PLCL1: variants seen among roughly 807,000 people sequenced by gnomAD.
The protein encoded by PLCL1 is phospholipase C like 1 (inactive).
PLCL1 carries 41 observed loss-of-function variants against 84.4 expected under a neutral mutation model. That is an observed-to-expected ratio of 0.49 (90% CI 0.38 to 0.63). The LOEUF (loss-of-function observed/expected upper bound fraction) is 0.63, where lower values mean the gene tolerates loss of function less well. Among genes scored for constraint, PLCL1 ranks in the 30% least tolerant of loss-of-function variants. The pLI is 0.00. For missense variants in PLCL1, 1,206 were observed against 1,367.8 expected (o/e 0.88, Z 1.87); for synonymous variants, 490 against 488.3 (o/e 1.00, Z -0.05).
intron 1 of PLCL1, among the ~76,000 whole-genome samples, chr2:197,893,886 G>A (rs1688079940): frequency 6.6e-6 from 1 of 151,934 alleles, no homozygotes; most frequent in African/African-American, 2.4e-5. Context: ...TGATTCTGCT[G>A]TTCAGAGACC....
In PLCL1 at chr2:197,909,341, CT is replaced by C. The variant is rs111966852; in HGVS notation, c.240+104008del. ...TTTTCTTTTTCTCTTTTTTTTTTTC[CT>C]TTTTTGCTAAGGAACAGAAGTGGGC... On this transcript the variant is annotated intron_variant, in intron 1 of 5. Coordinates refer to ENST00000428675, the MANE Select transcript of PLCL1 (RefSeq NM_006226.4). 7.2e-3 allele frequency among the ~76,000 whole-genome samples: 1,066 copies of C among 147,040 alleles called. 19 individuals are homozygous for C. The highest frequency in any genetic ancestry group is 0.025 in the African/African-American group (1,000 of 39,794).
Position 197,929,183 on chromosome 2 carries a change from C to T in PLCL1, c.240+123844C>T, listed in dbSNP as rs116406652. On this transcript the variant is annotated intron_variant, in intron 1 of 5. Coordinates refer to ENST00000428675, the MANE Select transcript of PLCL1 (RefSeq NM_006226.4). ...GTGACATTTGTTATACTGTACTGAACGATTTTATATAAGAGACTTGAGCAT... is the reference window on the plus strand; with the variant it reads ...GTGACATTTGTTATACTGTACTGAATGATTTTATATAAGAGACTTGAGCAT... Among the ~76,000 whole-genome samples, 627 of 152,184 alleles carry T rather than the reference C, an allele frequency of 4.1e-3. 3 individuals carry two copies. The highest frequency in any genetic ancestry group is 0.014 in the African/African-American group (601 of 41,526).
chr2:198,043,881 C>T (rs372633420), intron 1 of PLCL1, among the ~76,000 whole-genome samples: 48 of 124,818 alleles, frequency 3.8e-4, no homozygotes, highest in South Asian at 8.2e-4. Flanking sequence ...AATTCTTGTT[C>T]TTTTTTTTTT....
chr2:198,080,910 A>T (rs1042487032), intron 1 of PLCL1, among the ~76,000 whole-genome samples: 2 of 152,170 alleles, frequency 1.3e-5, no homozygotes, highest in Admixed American at 1.3e-4. Flanking sequence ...GGGCAGGTGG[A>T]TTCTTTTGCA....
chr2:197,830,136 G>C (rs1363954480), intron 1 of PLCL1, among the ~76,000 whole-genome samples: 2 of 151,938 alleles, frequency 1.3e-5, no homozygotes, highest in Non-Finnish European at 2.9e-5. Context: ...ACAACTCCTG[G>C]CCAGCAAGGG....
intron 1 of PLCL1, among the ~76,000 whole-genome samples, chr2:198,029,791 C>G (rs1178955932): frequency 9.6e-6 from 1 of 103,664 alleles, no homozygotes; most frequent in African/African-American, 3.3e-5. Flanking sequence ...ACTTCTGTCT[C>G]CTGGATTCAA....
chr2:198,045,892 C>G (rs111236873), intron 1 of PLCL1, among the ~76,000 whole-genome samples: 4 of 152,176 alleles, frequency 2.6e-5, no homozygotes, highest in African/African-American at 7.2e-5. Context: ...ACAGGGTACA[C>G]ATGTACCATT....
chr2:198,134,337 C>T (rs1215497003), intron 5 of PLCL1, among the ~76,000 whole-genome samples: 1 of 152,002 alleles, frequency 6.6e-6, no homozygotes, highest in Non-Finnish European at 1.5e-5. Flanking sequence ...GACCAAATCT[C>T]CAAACCAGTC....
intron 1 of PLCL1, among the ~76,000 whole-genome samples, chr2:197,932,774 T>G (rs2105766850): frequency 6.6e-6 from 1 of 152,286 alleles, no homozygotes; most frequent in South Asian, 2.1e-4. Context: ...AGACATGGGC[T>G]GTGGCAGTAA....
intron 1 of PLCL1, among the ~76,000 whole-genome samples, chr2:198,029,846 A>G (rs1266069479): frequency 1.4e-5 from 2 of 141,904 alleles, no homozygotes; most frequent in Non-Finnish European, 3.1e-5. Flanking sequence ...GATTACAGGC[A>G]TGCATCACCA....
At chr2:197,949,670 A>G (rs1689350804) in intron 1 of PLCL1, among the ~76,000 whole-genome samples, 1 of 152,080 alleles carries the variant, frequency 6.6e-6, no homozygotes, top group East Asian at 1.9e-4. Context: ...AAACAGAGGG[A>G]AAGGGGAGGA....
chr2:197,973,396 A>G (rs1270913993), intron 1 of PLCL1, among the ~76,000 whole-genome samples: 1 of 152,216 alleles, frequency 6.6e-6, no homozygotes, highest in East Asian at 1.9e-4. Context: ...TGTGTTTACC[A>G]TAATTCAATT....
At chr2:197,926,049 T>C (rs1688824126) in intron 1 of PLCL1, among the ~76,000 whole-genome samples, 1 of 152,216 alleles carries the variant, frequency 6.6e-6, no homozygotes, top group Non-Finnish European at 1.5e-5. Context: ...GTTTTCCCTC[T>C]CATCTTTATG....
intron 1 of PLCL1, among the ~76,000 whole-genome samples, chr2:197,903,218 T>C (rs780451382): frequency 6.6e-6 from 1 of 152,172 alleles, no homozygotes; most frequent in Non-Finnish European, 1.5e-5. Flanking sequence ...ATATGATCTC[T>C]ATTGCTACTA....
chr2:197,959,937 G>T (rs1689575692), intron 1 of PLCL1, among the ~76,000 whole-genome samples: 1 of 151,912 alleles, frequency 6.6e-6, no homozygotes, highest in Non-Finnish European at 1.5e-5. Flanking sequence ...TTTAATCCTT[G>T]CCTCCATAGC....
At chr2:198,117,017 A>C (rs1693762658) in intron 5 of PLCL1, among the ~76,000 whole-genome samples, 1 of 151,922 alleles carries the variant, frequency 6.6e-6, no homozygotes, top group Non-Finnish European at 1.5e-5. Flanking sequence ...TCCTTAATCA[A>C]CTAGAATATT....
intron 1 of PLCL1, among the ~76,000 whole-genome samples, chr2:198,047,895 C>A (rs1691844392): frequency 6.6e-6 from 1 of 152,186 alleles, no homozygotes; most frequent in Non-Finnish European, 1.5e-5. Flanking sequence ...AGGTTAAAAT[C>A]AGAAGTAGGT....
chr2:198,118,233 C>G (rs529301710), intron 5 of PLCL1, among the ~76,000 whole-genome samples: 5 of 151,866 alleles, frequency 3.3e-5, no homozygotes, highest in Admixed American at 6.6e-5. Context: ...AAAATATAGT[C>G]TTTGCTACTG....
intron 1 of PLCL1, among the ~76,000 whole-genome samples, chr2:198,061,598 C>CATT (rs34942811): frequency 0.61 from 92,722 of 150,786 alleles, 29,174 homozygotes; most frequent in Middle Eastern, 0.84. Context: ...AATGTATCGT[C>CATT]ATTATTATTA....
Sources: gnomAD v4.1 joint callset for allele counts (sites outside exome capture counted in the v4.1 genomes callset) on GRCh38, gnomAD v4.1.1 for gene constraint, MANE v1.5 for transcripts, NCBI Gene and HGNC (gene_info 2026-07-23, HGNC 2026-07-21) for gene names.